PRDM16: variants seen among roughly 807,000 people sequenced by gnomAD.
PRDM16 encodes PR/SET domain 16, also known as histone-lysine N-methyltransferase PRDM16.
In PRDM16, 23 loss-of-function variants were observed where a neutral mutation model predicts 110.6. That is an observed-to-expected ratio of 0.21 (90% CI 0.15 to 0.29). The LOEUF (loss-of-function observed/expected upper bound fraction) is 0.29, where lower values mean the gene tolerates loss of function less well. Ranked by LOEUF, PRDM16 falls within the 10% of genes least tolerant of loss-of-function variation. PRDM16 has a pLI of 1.00. For missense variants in PRDM16, 1,615 were observed against 1,794.3 expected, an observed-to-expected ratio of 0.90 and a Z score of 1.81; for synonymous variants, 799 against 781.8, an observed-to-expected ratio of 1.02 and a Z score of -0.37.
intron 3 of PRDM16, among the ~76,000 whole-genome samples, chr1:3,368,553 A>T (rs1385475666): frequency 6.6e-6 from 1 of 152,166 alleles, no homozygotes; most frequent in African/African-American, 2.4e-5. Flanking sequence ...TCCCACCCTG[A>T]GGGGAAAGGG....
At chr1:3,147,111 T>G (rs1643686401) in intron 1 of PRDM16, among the ~76,000 whole-genome samples, 1 of 146,082 alleles carries the variant, frequency 6.8e-6, no homozygotes, top group African/African-American at 2.6e-5. Flanking sequence ...TGTGTACGCG[T>G]GTGCTCGGTA....
chr1:3,433,234 C>T lies in PRDM16; in HGVS notation c.3697-443C>T, dbSNP rs74048472. 9.9e-3 allele frequency among the ~76,000 whole-genome samples: 1,511 copies of T among 152,374 alleles called. 29 individuals are homozygous for T. The highest frequency in any genetic ancestry group is 0.034 in the African/African-American group (1,427 of 41,590). ...AGCACCCCAATGTCCTGGCATCACT[C>T]GGAGCAGGGGGCGGCCCTCGTCCCT... On this transcript the variant is annotated intron_variant, in intron 16 of 16. Transcript: ENST00000270722.
At chr1:3,097,084 C>T (rs548111624) in intron 1 of PRDM16, among the ~76,000 whole-genome samples, 4 of 152,246 alleles carry the variant, frequency 2.6e-5, no homozygotes, top group South Asian at 4.1e-4. Context: ...GGTCAGACAG[C>T]GCTTCACCCA....
chr1:3,115,759 G>A (rs1201549133), intron 1 of PRDM16, among the ~76,000 whole-genome samples: 1 of 152,244 alleles, frequency 6.6e-6, no homozygotes, highest in Non-Finnish European at 1.5e-5. Flanking sequence ...ATGGCTACAG[G>A]TTGGCATCCT....
At chr1:3,345,494 C>T (rs72632199) in intron 3 of PRDM16, among the ~76,000 whole-genome samples, 269 of 152,268 alleles carry the variant, frequency 1.8e-3, no homozygotes, top group Middle Eastern at 0.01. Context: ...GTGGCTAGCA[C>T]GGCAGCATCC....
At chr1:3,161,698 C>T (rs1171307749) in intron 1 of PRDM16, among the ~76,000 whole-genome samples, 7 of 152,198 alleles carry the variant, frequency 4.6e-5, no homozygotes, top group Non-Finnish European at 7.3e-5. Context: ...CAGGCCCGGC[C>T]GCGGGAGCCT....
chr1:3,335,819 C>T (rs112152434), intron 3 of PRDM16, among the ~76,000 whole-genome samples: 1,738 of 152,346 alleles, frequency 0.011, 41 homozygotes, highest in African/African-American at 0.039. Flanking sequence ...GCACCCCAGC[C>T]ACCTCTGCCC....
chr1:3,147,097 GGT>G (rs899242988), intron 1 of PRDM16, among the ~76,000 whole-genome samples: 4 of 148,080 alleles, frequency 2.7e-5, no homozygotes, highest in African/African-American at 7.6e-5. Flanking sequence ...CTCGGTGTGG[GGT>G]GTGTGTACGC....
intron 3 of PRDM16, among the ~76,000 whole-genome samples, chr1:3,247,903 T>C (rs913324670): frequency 1.3e-5 from 2 of 152,224 alleles, no homozygotes; most frequent in Non-Finnish European, 2.9e-5. Flanking sequence ...AGTCTCTGTT[T>C]ACTTAGAGGG....
At chr1:3,191,006 G>A (rs1638296752) in intron 2 of PRDM16, among the ~76,000 whole-genome samples, 1 of 152,074 alleles carries the variant, frequency 6.6e-6, no homozygotes, top group Admixed American at 6.5e-5. Context: ...ACCCCCAGGG[G>A]AGGCACTGGG....
At chr1:3,310,890 T>A (rs1428727486) in intron 3 of PRDM16, among the ~76,000 whole-genome samples, 1 of 149,386 alleles carries the variant, frequency 6.7e-6, no homozygotes, top group Non-Finnish European at 1.5e-5. Context: ...TGCGTGTGTG[T>A]GAGACATGTG....
Position 3,334,976 on chromosome 1 carries a change from G to A in PRDM16, c.439-50176G>A, listed in dbSNP as rs527631704. On this transcript the variant is annotated intron_variant, in intron 3 of 16. Coordinates refer to ENST00000270722, the MANE Select transcript of PRDM16 (RefSeq NM_022114.4). Reference sequence around the variant, plus strand: ...ATAGGATGTGCCTGTACGAACAGCAGCAACATGACCCCATAGGCTCAGAGC... The same window carrying A: ...ATAGGATGTGCCTGTACGAACAGCAACAACATGACCCCATAGGCTCAGAGC... Among the ~76,000 whole-genome samples the A allele has an allele frequency of 3.9e-5, 6 of 152,324 alleles. No homozygotes were observed. The South Asian group carries it at 1.2e-3, about 32-fold the overall frequency.
At chr1:3,306,219 T>C (rs1401036887) in intron 3 of PRDM16, among the ~76,000 whole-genome samples, 1 of 152,182 alleles carries the variant, frequency 6.6e-6, no homozygotes, top group African/African-American at 2.4e-5. Context: ...ACAAGCCAGC[T>C]CCAAAGACCG....
intron 14 of PRDM16, among the ~76,000 whole-genome samples, chr1:3,429,159 C>T (rs1474184664): frequency 2.6e-5 from 4 of 152,240 alleles, no homozygotes; most frequent in Non-Finnish European, 4.4e-5. Context: ...ACCCGGCCTG[C>T]CCTCGCCTGG....
At chr1:3,302,746 G>A (rs890283331) in intron 3 of PRDM16, among the ~76,000 whole-genome samples, 8 of 152,270 alleles carry the variant, frequency 5.3e-5, no homozygotes, top group Admixed American at 2.0e-4. Flanking sequence ...AAAACCAAAC[G>A]TGGAAAACAT....
intron 3 of PRDM16, among the ~76,000 whole-genome samples, chr1:3,352,725 A>G (rs1013022261): frequency 6.6e-6 from 1 of 152,222 alleles, no homozygotes; most frequent in African/African-American, 2.4e-5. Flanking sequence ...GTATAAAATT[A>G]TCCTAAACAG....
chr1:3,217,735 G>A (rs545263555), intron 2 of PRDM16, among the ~76,000 whole-genome samples: 29 of 152,264 alleles, frequency 1.9e-4, no homozygotes, highest in African/African-American at 6.7e-4. Flanking sequence ...TTTTCAACAC[G>A]GGAGAGCTCT....
At chr1:3,093,849 G>A (rs1025809772) in intron 1 of PRDM16, among the ~76,000 whole-genome samples, 2 of 152,232 alleles carry the variant, frequency 1.3e-5, no homozygotes, top group African/African-American at 4.8e-5. Flanking sequence ...GGGAACGTGC[G>A]GGGGTCTGTG....
intron 3 of PRDM16, among the ~76,000 whole-genome samples, chr1:3,324,516 A>G (rs1641841633): frequency 1.3e-5 from 2 of 152,138 alleles, no homozygotes; most frequent in Admixed American, 1.3e-4. Flanking sequence ...ACTGTACCTG[A>G]CATGAAGCCT....
Sources: gnomAD v4.1 joint callset for allele counts (sites outside exome capture counted in the v4.1 genomes callset) on GRCh38, gnomAD v4.1.1 for gene constraint, MANE v1.5 for transcripts, NCBI Gene and HGNC (gene_info 2026-07-23, HGNC 2026-07-21) for gene names.